Variants in LGI2 observed in about 807,000 individuals in gnomAD.
The protein encoded by LGI2 is leucine rich repeat LGI family member 2.
Under a neutral mutation model 52.0 loss-of-function variants are expected in LGI2, and 30 were observed. The observed-to-expected ratio is 0.58, with a 90% CI of 0.43 to 0.78. The LOEUF is 0.78. LGI2 is among the 30% of genes least tolerant of loss of function. LGI2 has a pLI of 0.00. For missense variants in LGI2, 573 were observed against 692.5 expected (o/e 0.83, Z 1.94); for synonymous variants, 270 against 271.8 (o/e 0.99, Z 0.06).
intron 2 of LGI2, among the ~76,000 whole-genome samples, chr4:25,028,073 C>T (rs920509577): frequency 3.2e-4 from 48 of 152,288 alleles, no homozygotes; most frequent in African/African-American, 1.1e-3. Context: ...AATAAAATTA[C>T]GCACGTAAGT....
At chr4:25,021,775 CA>C in intron 4 of LGI2, among the ~76,000 whole-genome samples, 1 of 151,754 alleles carries the variant, frequency 6.6e-6, no homozygotes, top group Non-Finnish European at 1.5e-5. Flanking sequence ...ACTAAAAATA[CA>C]AAAAATTAGC....
chr4:25,025,442 C>T (rs1003072065), intron 3 of LGI2, among the ~76,000 whole-genome samples: 3 of 152,136 alleles, frequency 2.0e-5, no homozygotes, highest in Admixed American at 2.0e-4. Flanking sequence ...GGTGACAAGG[C>T]AGGAAAAGCT....
At chr4:25,030,328 C>T (rs947908499) in intron 1 of LGI2, among the ~76,000 whole-genome samples, 169 bp downstream of exon 1, 3 of 152,198 alleles carry the variant, frequency 2.0e-5, no homozygotes, top group Non-Finnish European at 4.4e-5. Context: ...CAGGTCCTCA[C>T]CGTCCTCCCC....
chr4:25,023,505 T>C (rs1433118998), intron 4 of LGI2, among the ~76,000 whole-genome samples: 1 of 152,236 alleles, frequency 6.6e-6, no homozygotes, highest in Non-Finnish European at 1.5e-5. Flanking sequence ...GAGCCTCTAC[T>C]TGTGGGCGTT....
At chr4:24,995,076 G>A (rs13135230), downstream of LGI2, among the ~76,000 whole-genome samples, 36,801 of 152,062 alleles carry the variant, frequency 0.24, 4,827 homozygotes, top group East Asian at 0.41. Context: ...TTTAATTTCA[G>A]TACAACTGTT....
chr4:25,028,702 A>G (rs1213229457), intron 1 of LGI2, 124 bp from the exon 2 acceptor site: 2 of 756,226 alleles, frequency 2.6e-6, no homozygotes, highest in Non-Finnish European at 2.3e-6. Flanking sequence ...GAGGCATAGC[A>G]CAGTTGCCCA....
intron 4 of LGI2, among the ~76,000 whole-genome samples, chr4:25,019,784 C>G (rs1725896493): frequency 6.6e-6 from 1 of 152,186 alleles, no homozygotes; most frequent in African/African-American, 2.4e-5. Context: ...CTTCTCAGGC[C>G]TCTGCACATC....
intron 6 of LGI2, among the ~76,000 whole-genome samples, chr4:25,013,075 A>G (rs1373633259): frequency 3.9e-5 from 6 of 152,216 alleles, no homozygotes; most frequent in African/African-American, 1.4e-4. Flanking sequence ...AATGAATGGT[A>G]CACTCCCCAA....
At chr4:24,995,769 C>T (rs1269704880), downstream of LGI2, among the ~76,000 whole-genome samples, 1 of 152,228 alleles carries the variant, frequency 6.6e-6, no homozygotes, top group Non-Finnish European at 1.5e-5. Flanking sequence ...AAGTATATTT[C>T]AAAACCACTG....
intron 1 of LGI2, 57 bp from the exon 2 acceptor site, chr4:25,028,635 A>T (rs1389544810): frequency 6.8e-7 from 1 of 1,464,442 alleles, no homozygotes. Flanking sequence ...AGTGCCATGC[A>T]GGGTGGGTAA....
the LGI2 span, among the ~76,000 whole-genome samples, chr4:24,992,541 C>T: frequency 6.6e-6 from 1 of 151,580 alleles, no homozygotes; most frequent in South Asian, 2.1e-4. Flanking sequence ...TAGTGAAACC[C>T]CATCTCTACT....
chr4:25,027,141 AT>A (rs558196382), intron 2 of LGI2, among the ~76,000 whole-genome samples: 127 of 152,208 alleles, frequency 8.3e-4, no homozygotes, highest in African/African-American at 2.9e-3. Context: ...TTTTGACCAG[AT>A]TTTCTTGTCC....
chr4:25,027,200 A>G (rs565238178), intron 2 of LGI2, among the ~76,000 whole-genome samples: 11 of 152,318 alleles, frequency 7.2e-5, no homozygotes, highest in African/African-American at 2.6e-4. Flanking sequence ...AGTAAATATG[A>G]TCTGATAGCT....
chr4:25,015,234 C>T (rs186681707), intron 6 of LGI2, among the ~76,000 whole-genome samples: 1 of 152,172 alleles, frequency 6.6e-6, no homozygotes, highest in African/African-American at 2.4e-5. Context: ...AGAGAAACTG[C>T]ACATTAATGC....
chr4:25,009,698 C>A (rs532590902), intron 7 of LGI2, among the ~76,000 whole-genome samples: 3 of 152,038 alleles, frequency 2.0e-5, no homozygotes, highest in Admixed American at 6.6e-5. Flanking sequence ...TGCAGTGGCA[C>A]GATCTTGGCT....
Position 25,017,088 on chromosome 4 carries a change from C to T in LGI2, c.655+901G>A, listed in dbSNP as rs1395322015. Among the ~76,000 whole-genome samples, 5 of 152,178 alleles carry T rather than the reference C, an allele frequency of 3.3e-5. No individual in the cohort carries two copies. The South Asian group carries it at 1.0e-3, about 32-fold the overall frequency. On this transcript the variant is annotated intron_variant, in intron 6 of 7. Coordinates refer to ENST00000382114, the MANE Select transcript of LGI2 (RefSeq NM_018176.4). Reference sequence around the variant, plus strand: ...ATAAACTGAAAGTTTGTGGCAGGCCCTGGAAAACAAAATCAAGCTTTCTTT... The same window carrying T: ...ATAAACTGAAAGTTTGTGGCAGGCCTTGGAAAACAAAATCAAGCTTTCTTT...
intron 2 of LGI2, 118 bp from the exon 3 acceptor site, chr4:25,027,057 T>C: frequency 1.4e-6 from 1 of 740,440 alleles, no homozygotes; most frequent in Non-Finnish European, 2.3e-6. Context: ...CTTCTTAGCC[T>C]AAGGAGACCA....
intron 4 of LGI2, among the ~76,000 whole-genome samples, chr4:25,022,508 A>T (rs1004521760): frequency 2.6e-5 from 4 of 152,256 alleles, no homozygotes; most frequent in African/African-American, 9.6e-5. Context: ...TCTCTAACGC[A>T]TTCCATGCTC....
chr4:25,000,513 A>T lies in LGI2; in HGVS notation c.*2938T>A, dbSNP rs764528378. The T allele has an allele frequency of 2.6e-5, 4 of 152,280 alleles. No homozygotes were observed. The highest frequency in any genetic ancestry group is 5.9e-5 in the Non-Finnish European group (4 of 68,086). The allele number at this position is 152,280 out of a possible 1,614,324, so 9.4% of individuals were successfully genotyped here. ...GCCTTATCATCCACTGTCCAATAAC[A>T]CAGTGCTCTTCATGTCTAAGAGTTA... On this transcript the variant is annotated 3_prime_UTR_variant, in exon 8 of 8. Coordinates refer to ENST00000382114, the MANE Select transcript of LGI2 (RefSeq NM_018176.4).
Sources: gnomAD v4.1 joint callset for allele counts (sites outside exome capture counted in the v4.1 genomes callset) on GRCh38, gnomAD v4.1.1 for gene constraint, MANE v1.5 for transcripts, NCBI Gene and HGNC (gene_info 2026-07-23, HGNC 2026-07-21) for gene names.